Variants in RAD52 observed in about 807,000 individuals in gnomAD.
RAD52 encodes the protein RAD52 DNA repair protein, also known as DNA repair protein RAD52 homolog.
In RAD52, 47 loss-of-function variants were observed where a neutral mutation model predicts 55.5. That is an observed-to-expected ratio of 0.85 (90% confidence interval 0.67 to 1.08). The LOEUF (loss-of-function observed/expected upper bound fraction) is 1.08. Among genes scored for constraint, RAD52 ranks in the 50% least tolerant of loss-of-function variants. The pLI is 0.00. For synonymous variants in RAD52, 184 were observed against 198.9 expected (o/e 0.92, Z 0.63); for missense variants, 468 against 522.8 (o/e 0.90, Z 1.02).
chr12:924,885 C>T (rs150361292), intron 7 of RAD52, among the ~76,000 whole-genome samples: 2 of 152,136 alleles, frequency 1.3e-5, no homozygotes, highest in African/African-American at 2.4e-5. Context: ...TACCCCCAAC[C>T]ACAGTTCACT....
At chr12:973,324 C>T (rs1958893057) in intron 1 of RAD52, among the ~76,000 whole-genome samples, 1 of 152,272 alleles carries the variant, frequency 6.6e-6, no homozygotes, top group South Asian at 2.1e-4. Flanking sequence ...CCTCCTGGGC[C>T]TCCCAAAGTG....
rs770954185 is a variant in RAD52 at position 914,395 on chromosome 12, C to T, written c.967+36G>A. ...GTATTCTGTGGCTACTAGAAACATA[C>T]AGCACAGTAGCTTACAAGCATTTCA... On this transcript the variant is annotated intron_variant, in intron 10 of 11. Coordinates refer to ENST00000358495, the MANE Select transcript of RAD52 (RefSeq NM_134424.4). The T allele has an allele frequency of 3.7e-6, 6 of 1,611,138 alleles. No individual in the cohort carries two copies. The African/African-American group carries it at 6.7e-5, about 18-fold the overall frequency.
chr12:918,364 A>G (rs1180339917), intron 7 of RAD52, among the ~76,000 whole-genome samples: 1 of 152,198 alleles, frequency 6.6e-6, no homozygotes, highest in Non-Finnish European at 1.5e-5. Flanking sequence ...AAAAAAGTAC[A>G]TAACAATAAA....
intron 2 of RAD52, among the ~76,000 whole-genome samples, chr12:932,660 G>C (rs1957382472): frequency 7.1e-6 from 1 of 140,716 alleles, no homozygotes; most frequent in Admixed American, 7.1e-5. Flanking sequence ...TCAGTCTTTT[G>C]ATAGCTAACA....
chr12:971,653 T>C (rs1477143503), intron 1 of RAD52, among the ~76,000 whole-genome samples: 1 of 152,262 alleles, frequency 6.6e-6, no homozygotes, highest in Non-Finnish European at 1.5e-5. Context: ...TAGTCTTTTC[T>C]ATAAAATTTG....
At chr12:913,539 C>T in intron 11 of RAD52, 87 bp from the exon 12 acceptor site, 1 of 1,024,616 alleles carries the variant, frequency 9.8e-7, no homozygotes. Flanking sequence ...ATTAATGATC[C>T]TAATTTAGAC....
intron 1 of RAD52, among the ~76,000 whole-genome samples, chr12:962,426 C>T (rs1234489333): frequency 1.3e-5 from 2 of 150,544 alleles, no homozygotes; most frequent in South Asian, 2.1e-4. Context: ...CTGCAAGCTC[C>T]GCTCCCAGGT....
intron 1 of RAD52, among the ~76,000 whole-genome samples, chr12:937,983 G>A (rs1957726356): frequency 6.6e-6 from 1 of 152,082 alleles, no homozygotes; most frequent in African/African-American, 2.4e-5. Flanking sequence ...AGTGGAATTA[G>A]GTTCCCCCGT....
intron 2 of RAD52, among the ~76,000 whole-genome samples, 186 bp from the exon 3 acceptor site, chr12:931,507 C>T (rs1957326770): frequency 6.6e-6 from 1 of 152,198 alleles, no homozygotes; most frequent in African/African-American, 2.4e-5. Context: ...CATTAGGCAT[C>T]ATAGCAGTGA....
At chr12:951,743 C>T (rs114420155), upstream of RAD52, among the ~76,000 whole-genome samples, 257 of 151,706 alleles carry the variant, frequency 1.7e-3, 1 homozygote, top group African/African-American at 5.7e-3. Flanking sequence ...CTTCTGCTCA[C>T]TTTAGGTTTA....
intron 1 of RAD52, among the ~76,000 whole-genome samples, chr12:957,515 G>A (rs1225533379): frequency 2.0e-5 from 3 of 151,464 alleles, no homozygotes; most frequent in Non-Finnish European, 4.4e-5. Context: ...TATGGGCACG[G>A]TGGCTCATGC....
At chr12:954,603 C>A (rs909527480), upstream of RAD52, among the ~76,000 whole-genome samples, 1 of 152,188 alleles carries the variant, frequency 6.6e-6, no homozygotes, top group African/African-American at 2.4e-5. Context: ...TGCTGCACTA[C>A]AGCTTGGGCG....
At chr12:929,267 T>C (rs1957201532) in intron 5 of RAD52, among the ~76,000 whole-genome samples, 1 of 152,110 alleles carries the variant, frequency 6.6e-6, no homozygotes, top group East Asian at 1.9e-4. Context: ...TTTCTAATGA[T>C]TAAAAAAAAG....
intron 7 of RAD52, among the ~76,000 whole-genome samples, chr12:920,783 C>A (rs1956685335): frequency 6.6e-6 from 1 of 152,122 alleles, no homozygotes; most frequent in African/African-American, 2.4e-5. Context: ...TTGAACAATA[C>A]TATAGGCCAA....
At chr12:917,171 T>C (rs1956439742) in intron 7 of RAD52, among the ~76,000 whole-genome samples, 1 of 152,202 alleles carries the variant, frequency 6.6e-6, no homozygotes, top group African/African-American at 2.4e-5. Context: ...TTCCCAACCC[T>C]TTCTGCCAGG....
At chr12:982,208 TG>T (rs61049010) in intron 1 of RAD52, among the ~76,000 whole-genome samples, 123,165 of 152,106 alleles carry the variant, frequency 0.81, 51,958 homozygotes, top group East Asian at 0.98. Flanking sequence ...TTCTGTCCTG[TG>T]TCCCCTTTAG....
Position 913,924 on chromosome 12 carries a change from G to A in RAD52, c.1165C>T (p.Gln389Ter). Residue 389 changes from glutamine to a stop codon, truncating the protein, a stop_gained, in exon 11 of 12, where the codon CAA becomes TAA. Transcript: ENST00000358495. LOFTEE classifies it high-confidence loss of function. ...PQAKSGSWDL[Q>*]TYSADQRTTG... The stretch of plus-strand genomic sequence containing the variant: ...GTGCGTTGGTCAGCGCTATAAGTTT[G>A]GAGGTCCCAAGATCCAGATTTTGCT... 2 of 1,614,158 alleles carry A rather than the reference G, an allele frequency of 1.2e-6. No homozygotes were observed. The highest frequency in any genetic ancestry group is 1.7e-6 in the Non-Finnish European group (2 of 1,180,014).
At chr12:960,712 C>G (rs532202751) in intron 1 of RAD52, among the ~76,000 whole-genome samples, 5 of 152,142 alleles carry the variant, frequency 3.3e-5, no homozygotes, top group Non-Finnish European at 7.3e-5. Flanking sequence ...GCGATGCCCC[C>G]CTTCTTAGCC....
At chr12:971,297 T>G (rs1235938115) in intron 1 of RAD52, among the ~76,000 whole-genome samples, 1 of 152,128 alleles carries the variant, frequency 6.6e-6, no homozygotes, top group Non-Finnish European at 1.5e-5. Context: ...GTATTTTTTT[T>G]TTTAAAGACA....
Sources: allele counts gnomAD v4.1 joint callset (sites outside exome capture counted in the v4.1 genomes callset), GRCh38; gene constraint gnomAD v4.1.1; transcripts MANE v1.5; gene names NCBI Gene and HGNC (gene_info 2026-07-23, HGNC 2026-07-21).